The following MACF1 variants were observed in gnomAD, a reference collection of about 807,000 sequenced individuals.
MACF1 encodes microtubule actin crosslinking factor 1, also known as microtubule-actin cross-linking factor 1.
Under a neutral mutation model 854.8 loss-of-function variants are expected in MACF1, and 193 were observed. The observed-to-expected ratio is 0.23, with a 90% CI of 0.20 to 0.25. The LOEUF (loss-of-function observed/expected upper bound fraction) is 0.25, where lower values mean the gene tolerates loss of function less well. Ranked by LOEUF, MACF1 falls within the 10% of genes least tolerant of loss-of-function variation. The pLI, the probability that MACF1 is intolerant of heterozygous loss-of-function variation, is 1.00. For missense variants in MACF1, 7,722 were observed against 8,929.1 expected (o/e 0.86, Z 5.45); for synonymous variants, 3,185 against 3,226.7 (o/e 0.99, Z 0.44).
At position 39,424,263 on chromosome 1, in the gene MACF1, A is replaced by G. The variant is rs1643652642; in HGVS notation, c.16316+69A>G. On this transcript the variant is annotated intron_variant, in intron 61 of 100. Transcript: ENST00000564288. ...TGTTCTTCTTCGACTTATTATCACT[A>G]TAAGTTCTTGGATGATTCATATAGA... 43 of 1,370,568 alleles carry G rather than the reference A, an allele frequency of 3.1e-5. 1 individual carries two copies. Among genetic ancestry groups the G allele is most frequent in the South Asian group, 5.5e-5 (4 of 72,210 alleles). 84.9% of individuals were successfully genotyped at this position (1,370,568 alleles called of 1,614,324 possible).
Position 39,332,450 on chromosome 1 carries a change from G to T in MACF1, c.5862G>T (p.Lys1954Asn), listed in dbSNP as rs146588986. 11 of 1,613,876 alleles carry T rather than the reference G, an allele frequency of 6.8e-6. No individual in the cohort carries two copies. The highest frequency in any genetic ancestry group is 1.7e-5 in the Admixed American group (1 of 59,986). The change falls in exon 37 of 101, where the codon AAG becomes AAT. Residue 1954 changes from lysine (K) to asparagine (N), a missense_variant. By Grantham distance (94) the Lys-to-Asn change is moderately conservative. Around this residue, in one of 15 missense-constraint regions of MACF1, gnomAD observed 1,531 missense variants for 1,601.6 expected, o/e 0.96. Coordinates refer to ENST00000564288, the MANE Select transcript of MACF1 (RefSeq NM_001394062.1). ...TACCGTGCAGCAAGAGCCACCCTAA[G>T]GCCACAGCAAGCCAGAGTGAGAATC... ...AVLPCSKSHP[K>N]ATASQSENLL... is the part of the protein sequence containing the mutation.
intron 84 of MACF1, 86 bp downstream of exon 84, chr1:39,448,849 C>A: frequency 9.2e-7 from 1 of 1,085,184 alleles, no homozygotes; most frequent in Non-Finnish European, 1.3e-6. Context: ...GGTGATAAAG[C>A]TAATGCATCA....
intron 2 of MACF1, among the ~76,000 whole-genome samples, chr1:39,161,544 A>G (rs1233120116): frequency 2.6e-5 from 4 of 151,974 alleles, no homozygotes; most frequent in African/African-American, 9.7e-5. Context: ...GTCTCTAAAA[A>G]CAAGCAAACA....
chr1:39,336,791 T>A (rs1646817792), intron 37 of MACF1, 138 bp downstream of exon 37: 1 of 839,438 alleles, frequency 1.2e-6, no homozygotes, highest in South Asian at 2.3e-5. Context: ...TTCTCTAAGA[T>A]ATAACTTAGT....
intron 56 of MACF1, 57 bp downstream of exon 56, chr1:39,382,209 C>T (rs1650283333): frequency 1.3e-6 from 2 of 1,495,598 alleles, no homozygotes; most frequent in South Asian, 2.3e-5. Flanking sequence ...TTGAATGTTT[C>T]TCCCAGTAAG....
chr1:39,180,980 A>G (rs1448615139), intron 2 of MACF1, among the ~76,000 whole-genome samples: 3 of 152,190 alleles, frequency 2.0e-5, no homozygotes, highest in African/African-American at 4.8e-5. Flanking sequence ...ATCTCTGTTC[A>G]CTGCAGCCTC....
In MACF1 at chr1:39,427,952, G is replaced by A. The variant is rs377131260; in HGVS notation, c.16477-9G>A. On this transcript the variant is annotated splice_polypyrimidine_tract_variant and intron_variant, in intron 62 of 100. Transcript: ENST00000564288. ...TTCTGTTATTCATTTTTTCCATCTG[G>A]ATTTCCAGGCTCTGGAAGAAGACAT... The A allele has an allele frequency of 7.0e-5, 111 of 1,579,844 alleles. No individual in the cohort carries two copies. Among genetic ancestry groups the A allele is most frequent in the Middle Eastern group, 3.4e-4 (2 of 5,910 alleles).
chr1:39,131,437 G>T (rs932931978), intron 2 of MACF1, among the ~76,000 whole-genome samples: 2 of 151,462 alleles, frequency 1.3e-5, no homozygotes, highest in Non-Finnish European at 2.9e-5. Context: ...GCCTCCCAAA[G>T]TGTTGGATTA....
intron 2 of MACF1, among the ~76,000 whole-genome samples, chr1:39,171,774 C>T (rs1643952758): frequency 2.0e-5 from 3 of 152,078 alleles, no homozygotes; most frequent in African/African-American, 4.8e-5. Context: ...TACAGGCACC[C>T]GCCACCACGC....
At chr1:39,431,851 G>T (rs1643880079) in intron 66 of MACF1, among the ~76,000 whole-genome samples, 1 of 151,904 alleles carries the variant, frequency 6.6e-6, no homozygotes, top group African/African-American at 2.4e-5. Context: ...GCAATTGCCT[G>T]TGTAGTCCTA....
At chr1:39,116,962 T>C (rs1642563500) in intron 2 of MACF1, among the ~76,000 whole-genome samples, 1 of 152,202 alleles carries the variant, frequency 6.6e-6, no homozygotes, top group African/African-American at 2.4e-5. Flanking sequence ...ATGAAGGTTA[T>C]GTAGTTAATT....
chr1:39,297,944 A>G (rs919525548), intron 21 of MACF1, among the ~76,000 whole-genome samples, 199 bp downstream of exon 21: 3 of 152,092 alleles, frequency 2.0e-5, no homozygotes, highest in Middle Eastern at 3.2e-3. Flanking sequence ...TAAGTTGCTA[A>G]TAAGATTTCT....
At position 39,295,109 on chromosome 1, in the gene MACF1, C is replaced by A; in HGVS notation, c.2218C>A (p.Leu740Ile). Residue 740 changes from leucine to isoleucine, a missense_variant, in exon 19 of 101, where the codon CTA (leucine) becomes ATA (isoleucine). Around this residue, in one of 15 missense-constraint regions of MACF1, gnomAD observed 1,137 missense variants for 1,263.0 expected, o/e 0.90. Transcript: ENST00000564288. ...TCGTTCTCTACAAGATACAGCAGAA[C>A]TACTTTCACTTGAGAACCACCCAGC... ...VFRSLQDTAE[L>I]LSLENHPAKQ... 6.2e-7 allele frequency: 1 copy of A among 1,614,088 alleles called. No individual in the cohort carries two copies. Among genetic ancestry groups the A allele is most frequent in the Non-Finnish European group, 8.5e-7 (1 of 1,179,984 alleles).
intron 2 of MACF1, among the ~76,000 whole-genome samples, chr1:39,150,436 T>C (rs925282807): frequency 3.3e-5 from 5 of 152,220 alleles, no homozygotes; most frequent in African/African-American, 7.2e-5. Context: ...ATACAGTGGA[T>C]TATTGTCATT....
intron 2 of MACF1, among the ~76,000 whole-genome samples, chr1:39,246,598 T>C (rs1644983117): frequency 6.6e-6 from 1 of 151,930 alleles, no homozygotes; most frequent in Non-Finnish European, 1.5e-5. Flanking sequence ...AACCTCTGCC[T>C]TCCGGGTTCA....
chr1:39,093,927 C>T (rs902764778), intron 2 of MACF1, among the ~76,000 whole-genome samples: 5 of 151,950 alleles, frequency 3.3e-5, no homozygotes, highest in East Asian at 1.9e-4. Context: ...TACAGGCGTG[C>T]GCCACCACAC....
At chr1:39,132,707 A>C (rs373087500) in intron 2 of MACF1, among the ~76,000 whole-genome samples, 1 of 152,054 alleles carries the variant, frequency 6.6e-6, no homozygotes, top group African/African-American at 2.4e-5. Flanking sequence ...GTTTGATAGC[A>C]TATTTTCTGA....
chr1:39,253,646 T>C (rs971270456), intron 4 of MACF1, among the ~76,000 whole-genome samples: 1 of 151,974 alleles, frequency 6.6e-6, no homozygotes, highest in African/African-American at 2.4e-5. Context: ...CCCAGATATC[T>C]GTGATTACAG....
intron 97 of MACF1, among the ~76,000 whole-genome samples, chr1:39,472,420 T>C (rs1453310902): frequency 2.0e-5 from 3 of 152,228 alleles, no homozygotes; most frequent in African/African-American, 7.2e-5. Context: ...TTGTTTGTTG[T>C]CGCCTCCTCC....
Sources: allele counts gnomAD v4.1 joint callset (sites outside exome capture counted in the v4.1 genomes callset), GRCh38; gene constraint gnomAD v4.1.1; regional missense constraint gnomAD v4.1.1; transcripts MANE v1.5; gene names NCBI Gene and HGNC (gene_info 2026-07-23, HGNC 2026-07-21).